Variants in GPHN observed in about 807,000 individuals in gnomAD.
GPHN encodes the protein gephyrin.
A neutral mutation model predicts 95.5 loss-of-function variants in GPHN; 17 were observed. The ratio of observed to expected loss-of-function variants is 0.18; its 90% confidence interval spans 0.12 to 0.27. GPHN has a LOEUF of 0.27. Ranked by LOEUF, GPHN falls within the 10% of genes least tolerant of loss-of-function variation. GPHN has a pLI of 1.00. For missense variants in GPHN, 660 were observed against 978.1 expected (o/e 0.67, Z 4.34); for synonymous variants, 320 against 322.5 (o/e 0.99, Z 0.08).
the GPHN span, among the ~76,000 whole-genome samples, chr14:67,309,753 TTCAGAG>T: frequency 6.6e-6 from 1 of 152,174 alleles, no homozygotes; most frequent in South Asian, 2.1e-4. Context: ...CTGATTAAAA[TTCAGAG>T]TCTGAGAGTC....
the GPHN span, among the ~76,000 whole-genome samples, chr14:67,352,448 A>G: frequency 2.6e-5 from 4 of 151,942 alleles, no homozygotes; most frequent in East Asian, 7.7e-4. Flanking sequence ...AAAAAGAAAA[A>G]GACTAGAAAT....
chr14:67,185,082 A>G (rs1267408993), downstream of GPHN, among the ~76,000 whole-genome samples: 1 of 152,236 alleles, frequency 6.6e-6, no homozygotes, highest in Admixed American at 6.5e-5. Context: ...GGTTAAGAGC[A>G]AAAGCCAGAT....
At chr14:66,716,100 A>G (rs1480205348) in intron 2 of GPHN, among the ~76,000 whole-genome samples, 4 of 152,052 alleles carry the variant, frequency 2.6e-5, no homozygotes, top group Non-Finnish European at 5.9e-5. Context: ...TCAGTGGAGT[A>G]TTAAAGTTCC....
At chr14:67,225,779 C>T in the GPHN span, among the ~76,000 whole-genome samples, 56 of 152,182 alleles carry the variant, frequency 3.7e-4, no homozygotes, top group African/African-American at 1.1e-3. Flanking sequence ...TAAGTTTGTT[C>T]GAAACACCAG....
chr14:66,934,913 A>C (rs189309342), intron 8 of GPHN, among the ~76,000 whole-genome samples: 44 of 152,348 alleles, frequency 2.9e-4, no homozygotes, highest in Non-Finnish European at 5.7e-4. Context: ...GTACTGTATC[A>C]TCAAAGAAAT....
the GPHN span, among the ~76,000 whole-genome samples, chr14:67,351,120 G>A: frequency 6.6e-6 from 1 of 152,174 alleles, no homozygotes; most frequent in African/African-American, 2.4e-5. Context: ...TGGGTCAGCT[G>A]GGTAGGGAGT....
chr14:66,596,551 G>C (rs1280223116), intron 1 of GPHN, among the ~76,000 whole-genome samples: 2 of 152,180 alleles, frequency 1.3e-5, no homozygotes, highest in Admixed American at 6.5e-5. Flanking sequence ...GCATGAGGGG[G>C]CTGGTGTGTC....
chr14:66,513,217 A>G (rs1432306414), intron 1 of GPHN, among the ~76,000 whole-genome samples: 1 of 151,840 alleles, frequency 6.6e-6, no homozygotes, highest in Non-Finnish European at 1.5e-5. Context: ...AATTTTAACT[A>G]TATTAAAAAC....
At chr14:67,550,158 TA>T in the GPHN span, among the ~76,000 whole-genome samples, 181 of 145,178 alleles carry the variant, frequency 1.2e-3, no homozygotes, top group Middle Eastern at 3.5e-3. Context: ...GATCTGTTGC[TA>T]AAAAAAAAAA....
intron 3 of GPHN, among the ~76,000 whole-genome samples, chr14:66,788,379 CTG>C (rs767263813): frequency 4.6e-5 from 7 of 152,204 alleles, no homozygotes; most frequent in Non-Finnish European, 7.3e-5. Flanking sequence ...ATGTTTTTAA[CTG>C]TGATTGCCCT....
In GPHN at chr14:66,772,823, G is replaced by A. The variant is rs1041990904; in HGVS notation, c.144-3641G>A. On this transcript the variant is annotated intron_variant, in intron 2 of 22. Transcript: ENST00000478722. ...AAATTTTTAAACAAAAAGCAATAAC[G>A]TATACTTTCAAATAAATTTGGTCTT... 4.6e-5 allele frequency among the ~76,000 whole-genome samples: 7 copies of A among 152,078 alleles called. No homozygotes were observed. In the South Asian group the frequency reaches 8.3e-4, roughly 18 times the overall value.
the GPHN span, among the ~76,000 whole-genome samples, chr14:67,718,818 C>T: frequency 6.6e-6 from 1 of 152,096 alleles, no homozygotes; most frequent in Non-Finnish European, 1.5e-5. Context: ...GCTTATGTGC[C>T]AAAGCATGTT....
chr14:66,922,120 A>G (rs185626195), intron 6 of GPHN, among the ~76,000 whole-genome samples: 1 of 152,122 alleles, frequency 6.6e-6, no homozygotes, highest in Non-Finnish European at 1.5e-5. Context: ...AGAAGATAAC[A>G]TTGGAAAAAC....
intron 4 of GPHN, among the ~76,000 whole-genome samples, chr14:66,871,848 C>T (rs1201653158): frequency 3.9e-5 from 6 of 151,996 alleles, no homozygotes; most frequent in Non-Finnish European, 7.4e-5. Context: ...ACCTAGATGA[C>T]GGGTTGACAG....
chr14:67,679,466 C>T, the GPHN span, among the ~76,000 whole-genome samples: 1 of 148,014 alleles, frequency 6.8e-6, no homozygotes, highest in African/African-American at 2.5e-5. Context: ...TGCAGTGATG[C>T]GATCTCAGCT....
the GPHN span, chr14:67,555,854 G>A: frequency 2.8e-5 from 45 of 1,613,568 alleles, no homozygotes; most frequent in East Asian, 9.6e-4. Flanking sequence ...GGCTGCTGGA[G>A]GCAGAGCAGA....
At chr14:66,885,003 G>C (rs1201404816) in intron 5 of GPHN, among the ~76,000 whole-genome samples, 1 of 151,656 alleles carries the variant, frequency 6.6e-6, no homozygotes, top group Non-Finnish European at 1.5e-5. Flanking sequence ...TCCATTTGCT[G>C]CCAAAAATGG....
chr14:67,236,487 A>T, the GPHN span, among the ~76,000 whole-genome samples: 1 of 152,276 alleles, frequency 6.6e-6, no homozygotes, highest in Admixed American at 6.5e-5. Context: ...TAGGATAAGG[A>T]CTGTCACACA....
At chr14:66,641,465 T>C (rs2064406061) in intron 1 of GPHN, among the ~76,000 whole-genome samples, 1 of 152,150 alleles carries the variant, frequency 6.6e-6, no homozygotes, top group South Asian at 2.1e-4. Flanking sequence ...GGATGTTTTA[T>C]AATAATAAAA....
Sources: gnomAD v4.1 joint callset for allele counts (sites outside exome capture counted in the v4.1 genomes callset) on GRCh38, gnomAD v4.1.1 for gene constraint, MANE v1.5 for transcripts, NCBI Gene and HGNC (gene_info 2026-07-23, HGNC 2026-07-21) for gene names.